The following CNBD1 variants were observed in gnomAD, a reference collection of about 807,000 sequenced individuals.
CNBD1 encodes cyclic nucleotide binding domain containing 1, also known as cyclic nucleotide-binding domain-containing protein 1.
CNBD1 carries 71 observed loss-of-function variants against 54.4 expected under a neutral mutation model. That is an observed-to-expected ratio of 1.30 (90% CI 1.08 to 1.59). The LOEUF (loss-of-function observed/expected upper bound fraction) is 1.59. CNBD1 is among the 40% of genes most tolerant of loss of function. The probability of loss-of-function intolerance (pLI) is 0.00; values close to 1 mark genes in which losing one functional copy is unlikely to be tolerated. For synonymous variants in CNBD1, 182 were observed against 170.7 expected (o/e 1.07, Z -0.51); for missense variants, 659 against 518.0 (o/e 1.27, Z -2.64).
chr8:87,236,775 A>C (rs1220325978), intron 5 of CNBD1, 144 bp from the exon 6 acceptor site: 1 of 463,790 alleles, frequency 2.2e-6, no homozygotes, highest in Non-Finnish European at 3.8e-6. Flanking sequence ...CTATTTGAAA[A>C]TGCCTATTAC....
chr8:87,425,227 T>G (rs377515775), intron 2 of CNBD1, among the ~76,000 whole-genome samples: 1 of 152,108 alleles, frequency 6.6e-6, no homozygotes, highest in Non-Finnish European at 1.5e-5. Context: ...TTCTTCTAAA[T>G]TTTTTTCAAA....
intron 2 of CNBD1, among the ~76,000 whole-genome samples, chr8:86,892,844 T>A (rs1166810076): frequency 6.6e-6 from 1 of 152,190 alleles, no homozygotes; most frequent in Non-Finnish European, 1.5e-5. Flanking sequence ...TTAATGAGAA[T>A]GTTTTGATAA....
rs113475440 is a variant in CNBD1, at chr8:87,099,056, A to C, written c.432-106937A>C. 2.6e-3 allele frequency among the ~76,000 whole-genome samples: 384 copies of C among 147,486 alleles called. 3 individuals are homozygous for C. Among genetic ancestry groups the C allele is most frequent in the African/African-American group, 9.4e-3 (357 of 37,916 alleles). ...TCTCAAAAAAAAAAAAAAAAAAAAA[A>C]AAAACAAAACTCCAAATTTTGACCC... is the stretch of plus-strand genomic sequence containing the variant. On this transcript the variant is annotated intron_variant, in intron 4 of 10. Transcript: ENST00000518476.
At chr8:87,186,750 G>A (rs1813483537) in intron 4 of CNBD1, among the ~76,000 whole-genome samples, 1 of 151,068 alleles carries the variant, frequency 6.6e-6, no homozygotes, top group African/African-American at 2.4e-5. Context: ...ATTTATTATT[G>A]AAATATATAG....
intron 6 of CNBD1, among the ~76,000 whole-genome samples, chr8:87,276,798 C>T (rs944336126): frequency 1.3e-5 from 2 of 151,556 alleles, no homozygotes; most frequent in Non-Finnish European, 2.9e-5. Flanking sequence ...TCCTTAGAGA[C>T]ATCCAACAGC....
chr8:87,413,187 G>T (rs1024756663), intron 2 of CNBD1, among the ~76,000 whole-genome samples: 1 of 151,998 alleles, frequency 6.6e-6, no homozygotes. Flanking sequence ...TATGACACAG[G>T]GTTGTGAAAT....
chr8:87,184,451 C>A (rs772525393), intron 4 of CNBD1, among the ~76,000 whole-genome samples: 5 of 152,130 alleles, frequency 3.3e-5, no homozygotes, highest in African/African-American at 9.7e-5. Flanking sequence ...TGTGGACACC[C>A]ATGACAGTGC....
chr8:87,064,943 C>G (rs1810618831), intron 4 of CNBD1, among the ~76,000 whole-genome samples: 1 of 151,824 alleles, frequency 6.6e-6, no homozygotes. Context: ...TCAACTTATC[C>G]CCTGTGTCTC....
In CNBD1 at chr8:87,284,767, T is replaced by C. The variant is rs116521057; in HGVS notation, c.861T>C (p.Asp287=). 2,622 of 1,557,512 alleles carry C rather than the reference T, an allele frequency of 1.7e-3. 32 individuals are homozygous for C. The African/African-American group carries it at 0.032, about 19-fold the overall frequency. Residue 287 remains aspartate (D), a synonymous_variant, in exon 7 of 11, where the codon GAT becomes GAC. Transcript: ENST00000518476. ...TGTTCTCGGTGGTGACAGAAGACGATTGTGAAATTCTTAAAATCCCAGCAA... is the reference window on the plus strand; with the variant it reads ...TGTTCTCGGTGGTGACAGAAGACGACTGTGAAATTCTTAAAATCCCAGCAA... ...TQMFSVVTED[D]CEILKIPAKG... is the part of the protein sequence containing the mutation.
chr8:87,402,768 G>T (rs1807587873), intron 2 of CNBD1, among the ~76,000 whole-genome samples: 4 of 152,070 alleles, frequency 2.6e-5, no homozygotes. Context: ...GAAATGGAAA[G>T]ACTGGTACTC....
intron 8 of CNBD1, among the ~76,000 whole-genome samples, chr8:87,335,017 C>G (rs902880952): frequency 1.2e-4 from 18 of 152,028 alleles, no homozygotes; most frequent in African/African-American, 4.3e-4. Context: ...AGCCACTGTG[C>G]CCAGCCAAGT....
At chr8:87,310,500 G>A (rs1302355759) in intron 8 of CNBD1, among the ~76,000 whole-genome samples, 1 of 152,044 alleles carries the variant, frequency 6.6e-6, no homozygotes, top group Non-Finnish European at 1.5e-5. Flanking sequence ...AACAAATGGA[G>A]AAACACTCCA....
intron 4 of CNBD1, among the ~76,000 whole-genome samples, chr8:87,144,897 A>T (rs958958915): frequency 6.6e-6 from 1 of 152,058 alleles, no homozygotes; most frequent in African/African-American, 2.4e-5. Flanking sequence ...TGGATGATAG[A>T]GTTTTGGGAG....
At chr8:87,131,006 T>C (rs1240920467) in intron 4 of CNBD1, among the ~76,000 whole-genome samples, 1 of 152,130 alleles carries the variant, frequency 6.6e-6, no homozygotes, top group Non-Finnish European at 1.5e-5. Context: ...ATATAACAAC[T>C]CCAGCCTTCT....
intron 4 of CNBD1, among the ~76,000 whole-genome samples, chr8:87,202,262 C>A (rs1467694177): frequency 1.3e-5 from 2 of 152,012 alleles, no homozygotes; most frequent in Non-Finnish European, 2.9e-5. Context: ...TCCATAATAG[C>A]AATATTAATC....
intron 4 of CNBD1, among the ~76,000 whole-genome samples, chr8:87,058,121 A>G (rs1430903892): frequency 6.6e-6 from 1 of 152,218 alleles, no homozygotes; most frequent in Non-Finnish European, 1.5e-5. Context: ...ATGCAAGTCC[A>G]GAATCCAAAT....
rs538616295 is a variant in CNBD1 at position 87,401,914 on chromosome 8, A to G, written c.214-26632A>G. On this transcript the variant is annotated intron_variant, in intron 2 of 7. Transcript: ENST00000521593. Reference sequence around the variant, plus strand: ...TCTCTTCCTTGTGCACAATTGGCTTAGGAGAGGACATGTGACCTAATTCTG... The same window carrying G: ...TCTCTTCCTTGTGCACAATTGGCTTGGGAGAGGACATGTGACCTAATTCTG... 3.3e-5 allele frequency among the ~76,000 whole-genome samples: 5 copies of G among 152,164 alleles called. No individual in the cohort carries two copies. The Middle Eastern group carries it at 0.017, about 518-fold the overall frequency.
intron 2 of CNBD1, among the ~76,000 whole-genome samples, chr8:87,413,029 G>C (rs1807774947): frequency 6.6e-6 from 1 of 151,940 alleles, no homozygotes; most frequent in South Asian, 2.1e-4. Context: ...TCGGGTTTAG[G>C]TCTAGAATAT....
rs1491114589 is a variant in CNBD1, at chr8:86,962,106, GGT to G, written c.431+22353_431+22354del. On this transcript the variant is annotated intron_variant, in intron 4 of 10. Transcript: ENST00000518476. ...CCTGGCACTCCATGAGGAAAACAGA[GGT>G]TTTTTTCAAAAATGAATCAATGATG... is the stretch of plus-strand genomic sequence containing the variant. Among the ~76,000 whole-genome samples the G allele has an allele frequency of 1.5e-3, 218 of 147,008 alleles. 1 individual carries two copies. Among genetic ancestry groups the G allele is most frequent in the African/African-American group, 5.6e-3 (212 of 37,604 alleles).
Sources: allele counts gnomAD v4.1 joint callset (sites outside exome capture counted in the v4.1 genomes callset), GRCh38; gene constraint gnomAD v4.1.1; transcripts MANE v1.5; gene names NCBI Gene and HGNC (gene_info 2026-07-23, HGNC 2026-07-21).